The following GPC4 variants were observed in gnomAD, a reference collection of about 807,000 sequenced individuals.
GPC4 encodes glypican 4, also known as glypican-4.
A neutral mutation model predicts 35.0 loss-of-function variants in GPC4; 10 were observed. That is an observed-to-expected ratio of 0.29 (90% CI 0.18 to 0.48). The LOEUF (loss-of-function observed/expected upper bound fraction) is 0.48. GPC4 is among the 20% of genes least tolerant of loss of function. The pLI, the probability that GPC4 is intolerant of heterozygous loss-of-function variation, is 0.99. For synonymous variants in GPC4, 167 were observed against 170.2 expected (o/e 0.98, Z 0.15); for missense variants, 322 against 451.3 (o/e 0.71, Z 2.60).
Position 133,324,216 on chromosome X carries a change from C to T in GPC4, c.640G>A (p.Ala214Thr). ...GCGAAAGTACGGGCTGCTACAAAAG[C>T]ACGAGTAACCTGGAGCTTCAATTTG... ...PRKLKLQVTR[A>T]FVAARTFAQG... The change falls in exon 3 of 9, where the codon GCT becomes ACT. Residue 214 changes from alanine (A) to threonine (T), a missense_variant. Ala to Thr is a moderately conservative substitution (Grantham distance 58, BLOSUM62 0). Transcript: ENST00000370828. The T allele has an allele frequency of 7.4e-6, 9 of 1,211,574 alleles. No individual in the cohort carries two copies. Among genetic ancestry groups the T allele is most frequent in the Non-Finnish European group, 1.0e-5 (9 of 895,431 alleles).
At position 133,415,080 on chromosome X, in the gene GPC4, A is replaced by AGGAGTT; in HGVS notation, c.-121_-116dup. 1.3e-6 allele frequency: 1 copy of AGGAGTT among 755,532 alleles called. No homozygotes were observed. The highest frequency in any genetic ancestry group is 2.7e-5 in the South Asian group (1 of 36,910). The allele number at this position is 755,532 out of a possible 1,213,427, so 62.3% of individuals were successfully genotyped here. ...ACTAGCGAGTGGAGCTGGAGGGAGA[A>AGGAGTT]GGAGTTGGAGTTGGTGGAAGAGGCG... On this transcript the variant is annotated 5_prime_UTR_variant, in exon 1 of 9. Transcript: ENST00000370828.
intron 2 of GPC4, among the ~76,000 whole-genome samples, chrX:133,333,675 A>T (rs1296565786): frequency 2.7e-5 from 3 of 112,568 alleles, no homozygotes. Context: ...TTCAAACTAA[A>T]TCGGAGACCA....
intron 1 of GPC4, among the ~76,000 whole-genome samples, chrX:133,402,909 G>GAA (rs11310772): frequency 3.0e-5 from 2 of 67,106 alleles, no homozygotes; most frequent in African/African-American, 5.1e-5. Flanking sequence ...GTCTCAAAAG[G>GAA]AAAAAAAAAA....
intron 1 of GPC4, among the ~76,000 whole-genome samples, chrX:133,414,244 G>A (rs375211057): frequency 1.7e-3 from 182 of 109,632 alleles, no homozygotes; most frequent in Middle Eastern, 4.7e-3. Flanking sequence ...AGCGGTGCAA[G>A]AGAGGCGGGG....
intron 1 of GPC4, among the ~76,000 whole-genome samples, chrX:133,368,613 G>C (rs1191721434): frequency 1.8e-5 from 2 of 110,807 alleles, no homozygotes; most frequent in African/African-American, 6.6e-5. Context: ...AGAATATAAA[G>C]AAAAATTACT....
chrX:133,377,877 C>CTTTTTTTTTTCT (rs2068641616), intron 1 of GPC4, among the ~76,000 whole-genome samples: 15 of 86,181 alleles, frequency 1.7e-4, no homozygotes, highest in African/African-American at 4.0e-4. Flanking sequence ...TTTTCTTTTT[C>CTTTTTTTTTTCT]TTTTTTTTTT....
At chrX:133,319,897 G>A (rs891415977) in intron 3 of GPC4, among the ~76,000 whole-genome samples, 1 of 111,755 alleles carries the variant, frequency 8.9e-6, no homozygotes, top group East Asian at 2.8e-4. Context: ...TCTCAGGTAT[G>A]CAAGTATGCC....
intron 1 of GPC4, among the ~76,000 whole-genome samples, chrX:133,357,966 T>C (rs892013533): frequency 4.5e-5 from 5 of 111,803 alleles, no homozygotes; most frequent in Admixed American, 3.8e-4. Context: ...TCTATTGTTA[T>C]CATTACTATT....
intron 2 of GPC4, among the ~76,000 whole-genome samples, chrX:133,326,441 T>C (rs1044216606): frequency 8.9e-6 from 1 of 111,810 alleles, no homozygotes; most frequent in African/African-American, 3.2e-5. Flanking sequence ...GGAGGGTCCC[T>C]TTTGCTGGGC....
At chrX:133,380,801 C>A (rs1270331732) in intron 1 of GPC4, among the ~76,000 whole-genome samples, 1 of 111,971 alleles carries the variant, frequency 8.9e-6, no homozygotes, top group African/African-American at 3.3e-5. Flanking sequence ...GTAGACACAA[C>A]TGAATACAGT....
chrX:133,381,196 C>A (rs905356474), intron 1 of GPC4, among the ~76,000 whole-genome samples: 2 of 111,897 alleles, frequency 1.8e-5, no homozygotes, highest in Admixed American at 1.9e-4. Context: ...ACGTGAGCAG[C>A]TACTATGAGG....
chrX:133,328,715 A>G lies in GPC4; in HGVS notation c.320-4179T>C, dbSNP rs189101127. 3.2e-3 allele frequency among the ~76,000 whole-genome samples: 357 copies of G among 111,451 alleles called. 2 individuals are homozygous for G. The highest frequency in any genetic ancestry group is 0.011 in the African/African-American group (343 of 30,690). On this transcript the variant is annotated intron_variant, in intron 2 of 8. Transcript: ENST00000370828. ...CCTAGACACCTAGCAATCATTGCTC[A>G]TAATCATTATGCCTGAAACTAATTA...
At chrX:133,402,723 G>A (rs2068771321) in intron 1 of GPC4, among the ~76,000 whole-genome samples, 1 of 110,585 alleles carries the variant, frequency 9.0e-6, no homozygotes, top group Admixed American at 9.7e-5. Flanking sequence ...GGCTAACACG[G>A]TGAAACCCGT....
chrX:133,380,470 T>C (rs2068655792), intron 1 of GPC4, among the ~76,000 whole-genome samples: 1 of 109,144 alleles, frequency 9.2e-6, no homozygotes, highest in Admixed American at 9.9e-5. Flanking sequence ...ATAGCCCCTC[T>C]GAATCCAAAG....
At chrX:133,361,514 G>A (rs925687635) in intron 1 of GPC4, among the ~76,000 whole-genome samples, 3 of 109,856 alleles carry the variant, frequency 2.7e-5, no homozygotes. Context: ...CCATTCTTGA[G>A]TTCTCTCAAG....
intron 1 of GPC4, among the ~76,000 whole-genome samples, chrX:133,364,942 G>A (rs2068583750): frequency 8.9e-6 from 1 of 111,977 alleles, no homozygotes; most frequent in African/African-American, 3.2e-5. Flanking sequence ...TATTTTAGAA[G>A]CCTGGCATGG....
intron 1 of GPC4, among the ~76,000 whole-genome samples, chrX:133,351,069 AATTTATTACC>A (rs770270836): frequency 3.5e-5 from 4 of 112,683 alleles, no homozygotes; most frequent in African/African-American, 1.3e-4. Context: ...CATGCCCTAC[AATTTATTACC>A]ATTTAATAGG....
At chrX:133,341,896 T>C (rs560043716) in intron 1 of GPC4, among the ~76,000 whole-genome samples, 90 of 109,431 alleles carry the variant, frequency 8.2e-4, no homozygotes, top group African/African-American at 2.8e-3. Context: ...GATGGCACCA[T>C]TTACACTGCC....
At chrX:133,342,100 G>C (rs2068470005) in intron 1 of GPC4, among the ~76,000 whole-genome samples, 2 of 99,369 alleles carry the variant, frequency 2.0e-5, no homozygotes, top group African/African-American at 3.8e-5. Flanking sequence ...GCAGTGTCGT[G>C]ATCTCGGCTC....
Sources: gnomAD v4.1 joint callset for allele counts (sites outside exome capture counted in the v4.1 genomes callset) on GRCh38, gnomAD v4.1.1 for gene constraint, MANE v1.5 for transcripts, NCBI Gene and HGNC (gene_info 2026-07-23, HGNC 2026-07-21) for gene names.